IL1RAPL1: variants seen among roughly 807,000 people sequenced by gnomAD.
The protein encoded by IL1RAPL1 is interleukin 1 receptor accessory protein like 1, also known as interleukin-1 receptor accessory protein-like 1.
IL1RAPL1 carries 3 observed loss-of-function variants against 48.4 expected under a neutral mutation model. That is an observed-to-expected ratio of 0.06 (90% CI 0.03 to 0.16). The LOEUF is 0.16. Among genes scored for constraint, IL1RAPL1 ranks in the 10% least tolerant of loss-of-function variants. The pLI is 1.00. For synonymous variants in IL1RAPL1, 185 were observed against 187.7 expected (o/e 0.99, Z 0.12); for missense variants, 349 against 530.6 (o/e 0.66, Z 3.36).
chrX:28,941,354 T>A (rs1158008039), intron 2 of IL1RAPL1, among the ~76,000 whole-genome samples: 1 of 111,201 alleles, frequency 9.0e-6, no homozygotes, highest in Non-Finnish European at 1.9e-5. Context: ...GATATTTACT[T>A]AAGAGTTGGA....
chrX:28,844,751 G>T (rs1031447494), intron 2 of IL1RAPL1, among the ~76,000 whole-genome samples: 1 of 111,243 alleles, frequency 9.0e-6, no homozygotes, highest in East Asian at 2.8e-4. Context: ...CAAAGTATTT[G>T]TCTCTATATT....
intron 5 of IL1RAPL1, among the ~76,000 whole-genome samples, chrX:29,424,330 AAG>A (rs2147707022): frequency 9.8e-6 from 1 of 102,494 alleles, no homozygotes; most frequent in South Asian, 4.4e-4. Flanking sequence ...AAAAAAAAAA[AAG>A]CAGATGTAGG....
intron 6 of IL1RAPL1, among the ~76,000 whole-genome samples, chrX:29,786,400 G>A (rs1929500768): frequency 9.0e-6 from 1 of 111,151 alleles, no homozygotes; most frequent in Non-Finnish European, 1.9e-5. Context: ...GCAAAAGACA[G>A]AGGGTGACAG....
At chrX:29,021,155 A>G (rs1322120333) in intron 2 of IL1RAPL1, among the ~76,000 whole-genome samples, 1 of 104,748 alleles carries the variant, frequency 9.5e-6, no homozygotes. Context: ...GGAGTTTGCA[A>G]TAAGCCGAGA....
At chrX:29,080,968 C>CT (rs776668499) in intron 2 of IL1RAPL1, among the ~76,000 whole-genome samples, 34 of 42,535 alleles carry the variant, frequency 8.0e-4, no homozygotes, top group Non-Finnish European at 1.2e-3. Flanking sequence ...TTCTTTCTTT[C>CT]TTTCTTTCTT....
At chrX:29,687,638 C>T (rs1314812502) in intron 6 of IL1RAPL1, among the ~76,000 whole-genome samples, 1 of 110,923 alleles carries the variant, frequency 9.0e-6, no homozygotes, top group Admixed American at 9.5e-5. Context: ...CAAAATAGCT[C>T]GAAGAGAGGT....
intron 5 of IL1RAPL1, among the ~76,000 whole-genome samples, chrX:29,443,907 A>C (rs1380158728): frequency 8.9e-6 from 1 of 112,278 alleles, no homozygotes; most frequent in Non-Finnish European, 1.9e-5. Context: ...TCCACAATAC[A>C]GAAGTACCTT....
intron 5 of IL1RAPL1, among the ~76,000 whole-genome samples, chrX:29,515,483 A>G (rs1341566710): frequency 8.9e-6 from 1 of 112,277 alleles, no homozygotes; most frequent in Middle Eastern, 4.2e-3. Flanking sequence ...CAAGTCAAGA[A>G]TGTTCCATAA....
chrX:28,967,978 T>C lies in IL1RAPL1; in HGVS notation c.82+178553T>C, dbSNP rs184358635. ...TTTTGGTCCCTGTAGTGTGTCTCTT[T>C]TCAGTTACAGTAAGTGGCTTCCCAC... On this transcript the variant is annotated intron_variant, in intron 2 of 10. Coordinates refer to ENST00000378993, the MANE Select transcript of IL1RAPL1 (RefSeq NM_014271.4). Among the ~76,000 whole-genome samples, 847 of 111,746 alleles carry C rather than the reference T, an allele frequency of 7.6e-3. 7 individuals carry two copies. Among genetic ancestry groups the C allele is most frequent in the Non-Finnish European group, 0.013 (677 of 53,073 alleles).
intron 3 of IL1RAPL1, among the ~76,000 whole-genome samples, chrX:29,382,380 T>TGTAAGAAC (rs1457594139): frequency 8.9e-6 from 1 of 112,161 alleles, no homozygotes; most frequent in Non-Finnish European, 1.9e-5. Flanking sequence ...AGTTGTTTCC[T>TGTAAGAAC]ATGAGAAGAA....
intron 2 of IL1RAPL1, among the ~76,000 whole-genome samples, chrX:29,048,953 C>T (rs757080922): frequency 1.2e-4 from 13 of 112,268 alleles, no homozygotes; most frequent in South Asian, 3.7e-4. Context: ...TTAGAATAGA[C>T]GAAATATAGT....
intron 3 of IL1RAPL1, among the ~76,000 whole-genome samples, chrX:29,367,050 C>T (rs1290765685): frequency 9.0e-6 from 1 of 111,225 alleles, no homozygotes; most frequent in Non-Finnish European, 1.9e-5. Context: ...TATTAACTCA[C>T]TCTGTTATCT....
chrX:29,880,193 G>C (rs1047683562), intron 6 of IL1RAPL1, among the ~76,000 whole-genome samples: 2 of 111,365 alleles, frequency 1.8e-5, no homozygotes, highest in African/African-American at 6.5e-5. Flanking sequence ...ATTCCCTTAT[G>C]CCTTAAAAAC....
intron 2 of IL1RAPL1, among the ~76,000 whole-genome samples, chrX:28,988,555 C>T (rs1472772836): frequency 8.9e-6 from 1 of 111,785 alleles, no homozygotes; most frequent in African/African-American, 3.3e-5. Flanking sequence ...TTCTCACCTA[C>T]AACCCACATA....
At chrX:29,082,459 A>C (rs1158097660) in intron 2 of IL1RAPL1, among the ~76,000 whole-genome samples, 2 of 112,465 alleles carry the variant, frequency 1.8e-5, no homozygotes, top group Non-Finnish European at 3.8e-5. Context: ...TTTTGAGTGA[A>C]ATATACAACC....
At chrX:29,623,906 A>G (rs1334397324) in intron 5 of IL1RAPL1, among the ~76,000 whole-genome samples, 2 of 111,964 alleles carry the variant, frequency 1.8e-5, no homozygotes, top group Admixed American at 1.9e-4. Flanking sequence ...AAAAATAGAG[A>G]TAACATCTTA....
At position 29,197,839 on chromosome X, in the gene IL1RAPL1, G is replaced by C. The variant is rs535843002; in HGVS notation, c.83-85099G>C. Among the ~76,000 whole-genome samples the C allele has an allele frequency of 1.4e-4, 15 of 108,756 alleles. No individual in the cohort carries two copies. The South Asian group carries it at 6.2e-3, about 45-fold the overall frequency. 94.4% of individuals were successfully genotyped at this position (108,756 alleles called of 115,157 possible). A position where few individuals can be genotyped will look rare whatever the true frequency, so the allele number is the denominator to read the frequency against. ...TTCTCCTGCCTCAGCCTCCCGAGTA[G>C]CTGGGAATACAGGCATGCACCACCA... On this transcript the variant is annotated intron_variant, in intron 2 of 10. Coordinates refer to ENST00000378993, the MANE Select transcript of IL1RAPL1 (RefSeq NM_014271.4).
chrX:28,993,902 T>C (rs1925669775), intron 2 of IL1RAPL1, among the ~76,000 whole-genome samples: 1 of 111,788 alleles, frequency 8.9e-6, no homozygotes, highest in Admixed American at 9.5e-5. Flanking sequence ...CTTCTAAATT[T>C]TATATCCTTA....
chrX:29,948,353 C>T (rs1933250873), intron 9 of IL1RAPL1, among the ~76,000 whole-genome samples: 1 of 111,359 alleles, frequency 9.0e-6, no homozygotes. Context: ...TCAAACTGTA[C>T]AAGTCAAGCA....
Sources: gnomAD v4.1 joint callset for allele counts (sites outside exome capture counted in the v4.1 genomes callset) on GRCh38, gnomAD v4.1.1 for gene constraint, MANE v1.5 for transcripts, NCBI Gene and HGNC (gene_info 2026-07-23, HGNC 2026-07-21) for gene names.